Variants in SORCS1 observed in about 807,000 individuals in gnomAD.
SORCS1 encodes sortilin related VPS10 domain containing receptor 1.
A neutral mutation model predicts 146.1 loss-of-function variants in SORCS1; 60 were observed. The observed-to-expected ratio is 0.41, with a 90% confidence interval of 0.33 to 0.51. The LOEUF is 0.51. Among genes scored for constraint, SORCS1 ranks in the 20% least tolerant of loss-of-function variants. The pLI is 0.21. For missense variants in SORCS1, 1,352 were observed against 1,487.6 expected, an observed-to-expected ratio of 0.91 and a Z score of 1.50; for synonymous variants, 637 against 584.0, an observed-to-expected ratio of 1.09 and a Z score of -1.31.
intron 21 of SORCS1, among the ~76,000 whole-genome samples, chr10:106,613,828 C>T (rs187166225): frequency 9.9e-5 from 15 of 152,222 alleles, no homozygotes; most frequent in Admixed American, 3.9e-4. Context: ...CCTCTCTGTG[C>T]TCCAGGACCT....
At chr10:107,168,150 T>C (rs1462947860), upstream of SORCS1, among the ~76,000 whole-genome samples, 1 of 152,166 alleles carries the variant, frequency 6.6e-6, no homozygotes, top group East Asian at 1.9e-4. Flanking sequence ...TTTTCGCTGA[T>C]GTGCCCAGTT....
intron 2 of SORCS1, among the ~76,000 whole-genome samples, chr10:106,945,862 C>T (rs912634110): frequency 6.6e-6 from 1 of 152,208 alleles, no homozygotes; most frequent in Admixed American, 6.5e-5. Flanking sequence ...TCACACATCT[C>T]AGGAAGGTCT....
intron 17 of SORCS1, among the ~76,000 whole-genome samples, chr10:106,656,007 C>T (rs1290508924): frequency 6.6e-6 from 1 of 152,184 alleles, no homozygotes; most frequent in Non-Finnish European, 1.5e-5. Flanking sequence ...AAGCATTCTT[C>T]AATCTGCCAA....
At chr10:106,743,308 T>C (rs1482970865) in intron 5 of SORCS1, among the ~76,000 whole-genome samples, 6 of 152,168 alleles carry the variant, frequency 3.9e-5, no homozygotes, top group Non-Finnish European at 8.8e-5. Context: ...CTTTCTTCGC[T>C]ATGACTATTC....
chr10:106,735,000 G>A (rs1856846950), intron 5 of SORCS1, among the ~76,000 whole-genome samples: 2 of 151,996 alleles, frequency 1.3e-5, no homozygotes, highest in Non-Finnish European at 2.9e-5. Flanking sequence ...ACAAAAATTA[G>A]CCGGGCATGG....
At chr10:107,124,946 T>C (rs867700825) in intron 1 of SORCS1, among the ~76,000 whole-genome samples, 4 of 143,906 alleles carry the variant, frequency 2.8e-5, no homozygotes, top group African/African-American at 1.1e-4. Flanking sequence ...TTCTTTCTTT[T>C]CTTTTTCTTT....
chr10:106,967,683 T>C (rs965719239), intron 1 of SORCS1, among the ~76,000 whole-genome samples: 5 of 152,104 alleles, frequency 3.3e-5, no homozygotes, highest in African/African-American at 1.2e-4. Flanking sequence ...GCCCATTGTT[T>C]TATAGTTAAA....
In SORCS1 at chr10:106,909,120, G is replaced by A. The variant is rs138052881; in HGVS notation, c.626+47393C>T. On this transcript the variant is annotated intron_variant, in intron 2 of 25. Coordinates refer to ENST00000263054, the MANE Select transcript of SORCS1 (RefSeq NM_052918.5). ...TCTCCACCCTTCTCCTTCACTGGGT[G>A]TGGTATCCTAGGCTCCTTGATGTTT... Among the ~76,000 whole-genome samples the A allele has an allele frequency of 5.0e-3, 764 of 152,298 alleles. 18 individuals carry two copies. Among genetic ancestry groups the A allele is most frequent in the African/African-American group, 0.018 (734 of 41,570 alleles).
chr10:106,638,114 A>T (rs1037194886), intron 18 of SORCS1, among the ~76,000 whole-genome samples: 1 of 152,164 alleles, frequency 6.6e-6, no homozygotes, highest in African/African-American at 2.4e-5. Context: ...AATAAAGGAC[A>T]TTGCTATACT....
chr10:106,586,710 C>G (rs920356755), intron 24 of SORCS1, among the ~76,000 whole-genome samples: 2 of 152,184 alleles, frequency 1.3e-5, no homozygotes, highest in African/African-American at 2.4e-5. Context: ...AATCTCAATG[C>G]TTTGAGAGGC....
At chr10:107,047,240 C>T (rs1022651109) in intron 1 of SORCS1, among the ~76,000 whole-genome samples, 7 of 152,076 alleles carry the variant, frequency 4.6e-5, no homozygotes, top group Admixed American at 3.3e-4. Context: ...CTGCCCACCT[C>T]GGCCTCCCAA....
intron 10 of SORCS1, among the ~76,000 whole-genome samples, chr10:106,680,574 C>T (rs1162416883): frequency 6.6e-6 from 1 of 152,144 alleles, no homozygotes; most frequent in Non-Finnish European, 1.5e-5. Context: ...ATGTAAGGGA[C>T]TTGTTTGTGC....
intron 2 of SORCS1, among the ~76,000 whole-genome samples, chr10:106,863,245 T>G (rs986627345): frequency 6.6e-6 from 1 of 152,124 alleles, no homozygotes; most frequent in Non-Finnish European, 1.5e-5. Flanking sequence ...TACAGAGGGC[T>G]GGGCACGGTG....
intron 1 of SORCS1, among the ~76,000 whole-genome samples, chr10:107,149,819 C>T (rs1276756036): frequency 6.6e-6 from 1 of 152,206 alleles, no homozygotes; most frequent in African/African-American, 2.4e-5. Flanking sequence ...AAGTGTTCAA[C>T]CAGTCACAGC....
Position 106,859,302 on chromosome 10 carries a change from A to G in SORCS1, c.627-29629T>C, listed in dbSNP as rs193038310. On this transcript the variant is annotated intron_variant, in intron 2 of 25. Transcript: ENST00000263054. Reference sequence around the variant, plus strand: ...ACAGTTGTCTGTGCTAATAGACTGCATTTTCTAAAGGCAGGGATAGACAAT... The same window carrying G: ...ACAGTTGTCTGTGCTAATAGACTGCGTTTTCTAAAGGCAGGGATAGACAAT... Among the ~76,000 whole-genome samples the G allele has an allele frequency of 2.6e-3, 398 of 152,284 alleles. 3 individuals are homozygous for G. Among genetic ancestry groups the G allele is most frequent in the Non-Finnish European group, 3.4e-3 (232 of 68,018 alleles).
chr10:106,693,660 C>T (rs1340207749), intron 9 of SORCS1, among the ~76,000 whole-genome samples: 3 of 152,096 alleles, frequency 2.0e-5, no homozygotes, highest in African/African-American at 7.2e-5. Flanking sequence ...ATTCCTATTT[C>T]TTTGGTGACT....
In SORCS1 at chr10:106,699,201, C is replaced by T. The variant is rs746651365; in HGVS notation, c.1413+13G>A. 38 of 1,600,510 alleles carry T rather than the reference C, an allele frequency of 2.4e-5. No homozygotes were observed. Among genetic ancestry groups the T allele is most frequent in the African/African-American group, 4.0e-5 (3 of 74,550 alleles). ...CTGCTGTGGCTTAGGACCACATATG[C>T]CTCGTGACATACCTCATAGAGGTCG... On this transcript the variant is annotated intron_variant, in intron 9 of 25. Transcript: ENST00000263054.
chr10:107,163,686 G>A (rs941567063), intron 1 of SORCS1, among the ~76,000 whole-genome samples: 1 of 152,060 alleles, frequency 6.6e-6, no homozygotes, highest in African/African-American at 2.4e-5. Flanking sequence ...CTGGTCTTCA[G>A]TTCCACACAC....
At chr10:106,965,354 T>C (rs1309543411) in intron 1 of SORCS1, among the ~76,000 whole-genome samples, 1 of 152,132 alleles carries the variant, frequency 6.6e-6, no homozygotes, top group Non-Finnish European at 1.5e-5. Context: ...CATGCCCACA[T>C]GCAGTTCAAT....
Sources: gnomAD v4.1 joint callset for allele counts (sites outside exome capture counted in the v4.1 genomes callset) on GRCh38, gnomAD v4.1.1 for gene constraint, MANE v1.5 for transcripts, NCBI Gene and HGNC (gene_info 2026-07-23, HGNC 2026-07-21) for gene names.